Variants in KIAA1217 observed in about 807,000 individuals in gnomAD.
KIAA1217 encodes the protein KIAA1217, also known as sickle tail protein homolog.
KIAA1217 carries 88 observed loss-of-function variants against 163.9 expected under a neutral mutation model. The observed-to-expected ratio is 0.54, with a 90% CI of 0.45 to 0.64. KIAA1217 has a LOEUF of 0.64. KIAA1217 is among the 30% of genes least tolerant of loss of function. The pLI, the probability that KIAA1217 is intolerant of heterozygous loss-of-function variation, is 0.00. For synonymous variants in KIAA1217, 903 were observed against 923.1 expected (o/e 0.98, Z 0.39); for missense variants, 2,372 against 2,475.0 (o/e 0.96, Z 0.88).
intron 1 of KIAA1217, among the ~76,000 whole-genome samples, chr10:23,803,630 A>G (rs1836585855): frequency 6.6e-6 from 1 of 152,094 alleles, no homozygotes; most frequent in African/African-American, 2.4e-5. Context: ...TTGATCTCAG[A>G]ATCTGTTTCT....
At chr10:24,524,854 A>G (rs1362363782) in intron 13 of KIAA1217, 90 bp downstream of exon 13, 14 of 1,122,774 alleles carry the variant, frequency 1.2e-5, no homozygotes, top group South Asian at 1.1e-4. Flanking sequence ...AGATGATGAC[A>G]TGATTGTGTA....
At chr10:24,491,107 T>C (rs2066058748) in intron 6 of KIAA1217, among the ~76,000 whole-genome samples, 1 of 152,022 alleles carries the variant, frequency 6.6e-6, no homozygotes, top group South Asian at 2.1e-4. Context: ...AGAAGCTGAG[T>C]ACTCACTGAG....
chr10:24,039,306 C>A (rs1206844651), intron 2 of KIAA1217, among the ~76,000 whole-genome samples: 1 of 151,924 alleles, frequency 6.6e-6, no homozygotes, highest in African/African-American at 2.4e-5. Context: ...CAGTCCCCAA[C>A]ATATGATAGT....
intron 1 of KIAA1217, among the ~76,000 whole-genome samples, chr10:23,944,542 A>G (rs778405775): frequency 6.6e-6 from 1 of 152,228 alleles, no homozygotes; most frequent in Non-Finnish European, 1.5e-5. Flanking sequence ...ATGCTTCACC[A>G]AAGATATACA....
intron 1 of KIAA1217, among the ~76,000 whole-genome samples, chr10:23,846,883 GCTC>G (rs1425493421): frequency 2.0e-5 from 3 of 152,208 alleles, no homozygotes; most frequent in Middle Eastern, 3.4e-3. Context: ...GTCATAAATA[GCTC>G]CTATTATTTT....
chr10:24,181,168 G>A (rs1165885668), intron 2 of KIAA1217, among the ~76,000 whole-genome samples: 3 of 152,216 alleles, frequency 2.0e-5, no homozygotes, highest in African/African-American at 4.8e-5. Context: ...GACAGACAAT[G>A]AACAAGGACT....
At chr10:24,516,587 GT>G (rs910316546) in intron 10 of KIAA1217, among the ~76,000 whole-genome samples, 7 of 152,218 alleles carry the variant, frequency 4.6e-5, no homozygotes, top group Non-Finnish European at 5.9e-5. Flanking sequence ...GACACTGAGT[GT>G]TTGGGTTTGT....
chr10:24,153,766 A>G (rs2064737093), intron 2 of KIAA1217, among the ~76,000 whole-genome samples: 1 of 152,184 alleles, frequency 6.6e-6, no homozygotes. Flanking sequence ...AGTGACTCTT[A>G]GTTGCATGAT....
chr10:23,782,065 A>AT (rs965823391), intron 1 of KIAA1217, among the ~76,000 whole-genome samples: 6 of 151,790 alleles, frequency 4.0e-5, no homozygotes, highest in African/African-American at 1.4e-4. Flanking sequence ...TTCTATATGA[A>AT]TTAAAAAAAA....
chr10:24,300,050 G>A (rs1017769267), intron 2 of KIAA1217, among the ~76,000 whole-genome samples: 3 of 152,132 alleles, frequency 2.0e-5, no homozygotes, highest in Admixed American at 6.6e-5. Flanking sequence ...TACCGCAGAG[G>A]GTAGTCACCA....
intron 15 of KIAA1217, 70 bp from the exon 16 acceptor site, chr10:24,533,000 A>G: frequency 7.0e-7 from 1 of 1,419,712 alleles, no homozygotes; most frequent in Non-Finnish European, 9.6e-7. Flanking sequence ...GAGGGACCAT[A>G]CGATCTGTCC....
Position 24,004,179 on chromosome 10 carries a change from A to G in KIAA1217, c.-320-3046A>G, listed in dbSNP as rs1007550141. On this transcript the variant is annotated intron_variant, in intron 1 of 18. Coordinates refer to the KIAA1217 transcript ENST00000376462. ...ATTTTAGTAGAGACGGGGTTTCACT[A>G]TGTTGGTCAGGCTGGTCTCGAAATC... is the stretch of plus-strand genomic sequence containing the variant. Among the ~76,000 whole-genome samples the G allele has an allele frequency of 3.3e-5, 5 of 152,102 alleles. No individual in the cohort carries two copies. The East Asian group carries it at 9.7e-4, about 30-fold the overall frequency.
At chr10:23,919,236 AT>A (rs112247707) in intron 1 of KIAA1217, among the ~76,000 whole-genome samples, 7,398 of 149,184 alleles carry the variant, frequency 0.05, 285 homozygotes, top group African/African-American at 0.094. Context: ...AGCTAGGGTC[AT>A]TTTTTTTTTA....
intron 2 of KIAA1217, among the ~76,000 whole-genome samples, chr10:24,127,438 G>A (rs997581421): frequency 2.6e-5 from 4 of 152,136 alleles, no homozygotes; most frequent in African/African-American, 9.7e-5. Context: ...GACTAGAAGA[G>A]ACTTTTTAAA....
chr10:23,893,852 T>C (rs1676845328), intron 1 of KIAA1217, among the ~76,000 whole-genome samples: 1 of 152,078 alleles, frequency 6.6e-6, no homozygotes, highest in Non-Finnish European at 1.5e-5. Flanking sequence ...AATCAATAAA[T>C]GTAATCCAGC....
intron 2 of KIAA1217, among the ~76,000 whole-genome samples, chr10:24,079,350 C>T (rs886425171): frequency 2.0e-5 from 3 of 152,092 alleles, no homozygotes; most frequent in Admixed American, 2.0e-4. Context: ...CCATTTGAAG[C>T]TATTATAGGG....
chr10:24,286,757 C>A (rs2078584674), intron 2 of KIAA1217, among the ~76,000 whole-genome samples: 1 of 152,104 alleles, frequency 6.6e-6, no homozygotes, highest in Non-Finnish European at 1.5e-5. Flanking sequence ...TGTTTTACTC[C>A]AAACTCTTGG....
intron 3 of KIAA1217, among the ~76,000 whole-genome samples, chr10:24,389,935 G>A (rs1371324771): frequency 6.6e-6 from 1 of 152,140 alleles, no homozygotes; most frequent in East Asian, 1.9e-4. Flanking sequence ...AAGTGAAGGT[G>A]AGGCCCAACT....
intron 2 of KIAA1217, among the ~76,000 whole-genome samples, chr10:24,173,671 G>A (rs956393137): frequency 3.3e-5 from 5 of 152,156 alleles, no homozygotes; most frequent in Admixed American, 2.0e-4. Flanking sequence ...GACACTCAAA[G>A]TAGAAACTGA....
Sources: allele counts gnomAD v4.1 joint callset (sites outside exome capture counted in the v4.1 genomes callset), GRCh38; gene constraint gnomAD v4.1.1; transcripts MANE v1.5; gene names NCBI Gene and HGNC (gene_info 2026-07-23, HGNC 2026-07-21).